The following EDA variants were observed in gnomAD, a reference collection of about 807,000 sequenced individuals.
EDA encodes the protein ectodysplasin A.
A neutral mutation model predicts 23.6 loss-of-function variants in EDA; 2 were observed. That is an observed-to-expected ratio of 0.08 (90% CI 0.03 to 0.27). The LOEUF is 0.27. Ranked by LOEUF, EDA falls within the 10% of genes least tolerant of loss-of-function variation. The probability of loss-of-function intolerance (pLI) is 1.00; values close to 1 mark genes in which losing one functional copy is unlikely to be tolerated. For missense variants in EDA, 229 were observed against 324.2 expected, an observed-to-expected ratio of 0.71 and a Z score of 2.26; for synonymous variants, 131 against 132.0, an observed-to-expected ratio of 0.99 and a Z score of 0.05.
At chrX:69,784,376 T>A (rs1352122108) in intron 1 of EDA, among the ~76,000 whole-genome samples, 2 of 100,544 alleles carry the variant, frequency 2.0e-5, no homozygotes, top group South Asian at 4.9e-4. Flanking sequence ...CATGCCTATG[T>A]CCTGAATGGT....
At chrX:69,886,008 C>G (rs2017824197) in intron 1 of EDA, among the ~76,000 whole-genome samples, 1 of 112,066 alleles carries the variant, frequency 8.9e-6, no homozygotes, top group Admixed American at 9.4e-5. Flanking sequence ...GGGAGACACA[C>G]TTAGGTCCCT....
chrX:69,816,190 A>G (rs1443344460), intron 1 of EDA, among the ~76,000 whole-genome samples: 1 of 111,691 alleles, frequency 9.0e-6, no homozygotes, highest in Non-Finnish European at 1.9e-5. Context: ...ACCTCATTCA[A>G]AGGTCAGCAA....
At chrX:69,765,653 G>T (rs958303796) in intron 1 of EDA, among the ~76,000 whole-genome samples, 2 of 111,544 alleles carry the variant, frequency 1.8e-5, no homozygotes, top group African/African-American at 3.3e-5. Context: ...TCAAAAAATA[G>T]TACAGAGAAG....
At chrX:69,969,040 C>T (rs972034768) in intron 2 of EDA, among the ~76,000 whole-genome samples, 2 of 112,056 alleles carry the variant, frequency 1.8e-5, no homozygotes, top group African/African-American at 6.5e-5. Context: ...GGTCTAGTCA[C>T]GCTGAATTCT....
intron 1 of EDA, among the ~76,000 whole-genome samples, chrX:69,881,476 G>T (rs1291087135): frequency 9.0e-6 from 1 of 110,925 alleles, no homozygotes; most frequent in African/African-American, 3.3e-5. Flanking sequence ...GAAGTGATTT[G>T]GTCACCAGTT....
chrX:69,746,399 C>T (rs1033976032), intron 1 of EDA, among the ~76,000 whole-genome samples: 4 of 111,759 alleles, frequency 3.6e-5, no homozygotes, highest in African/African-American at 1.3e-4. Flanking sequence ...AGGCACACCT[C>T]CCAACCCCAA....
At chrX:69,854,745 G>A (rs2017208768) in intron 1 of EDA, among the ~76,000 whole-genome samples, 1 of 111,927 alleles carries the variant, frequency 8.9e-6, no homozygotes, top group African/African-American at 3.3e-5. Context: ...CTTTGCTGTT[G>A]TGAATAGTGC....
chrX:69,922,869 G>T (rs763856129), intron 1 of EDA, among the ~76,000 whole-genome samples: 1 of 111,270 alleles, frequency 9.0e-6, no homozygotes, highest in South Asian at 3.8e-4. Flanking sequence ...TTGTTGGTAA[G>T]CAAGATGCCT....
intron 1 of EDA, among the ~76,000 whole-genome samples, chrX:69,650,008 A>T (rs186392575): frequency 1.1e-4 from 12 of 112,235 alleles, no homozygotes; most frequent in African/African-American, 3.9e-4. Context: ...ATGATTTATT[A>T]TACTATTTGT....
At chrX:70,026,525 T>C (rs2020108480) in intron 3 of EDA, among the ~76,000 whole-genome samples, 1 of 111,324 alleles carries the variant, frequency 9.0e-6, no homozygotes, top group African/African-American at 3.3e-5. Context: ...GAAATAGGGG[T>C]TGGTGGGTAA....
At chrX:69,671,333 G>T (rs1026520154) in intron 1 of EDA, among the ~76,000 whole-genome samples, 11 of 111,318 alleles carry the variant, frequency 9.9e-5, no homozygotes, top group Non-Finnish European at 1.9e-4. Context: ...TGAGCTGTGG[G>T]TATCTGTGTT....
intron 3 of EDA, among the ~76,000 whole-genome samples, chrX:70,025,216 G>T (rs1228031188): frequency 1.8e-5 from 2 of 111,331 alleles, no homozygotes; most frequent in Non-Finnish European, 3.8e-5. Context: ...TTGGACTGGA[G>T]GAGTTTCTGG....
chrX:70,035,345 G>C lies in EDA; in HGVS notation c.925-13G>C. Reference sequence around the variant, plus strand: ...CTCTCTTCCCCAATCCCTTCTTGTTGCCTCTCACTCAGGTATACTACATCA... The same window carrying C: ...CTCTCTTCCCCAATCCCTTCTTGTTCCCTCTCACTCAGGTATACTACATCA... On this transcript the variant is annotated splice_polypyrimidine_tract_variant and intron_variant, in intron 7 of 7. Coordinates refer to ENST00000374552, the MANE Select transcript of EDA (RefSeq NM_001399.5). 1 of 1,206,900 alleles carries C rather than the reference G, an allele frequency of 8.3e-7. No homozygotes were observed. Among genetic ancestry groups the C allele is most frequent in the Non-Finnish European group, 1.1e-6 (1 of 893,425 alleles).
At chrX:69,935,209 G>A (rs1403743419) in intron 1 of EDA, among the ~76,000 whole-genome samples, 1 of 112,160 alleles carries the variant, frequency 8.9e-6, no homozygotes, top group African/African-American at 3.2e-5. Context: ...TACTTAGGTT[G>A]CTTCCAAATC....
chrX:69,721,480 C>T (rs2012577533), intron 1 of EDA, among the ~76,000 whole-genome samples: 1 of 111,553 alleles, frequency 9.0e-6, no homozygotes, highest in Non-Finnish European at 1.9e-5. Flanking sequence ...GCCTTGTCAG[C>T]CTCAGTATGT....
chrX:69,865,351 C>T (rs1014994302), intron 1 of EDA, among the ~76,000 whole-genome samples: 1 of 109,903 alleles, frequency 9.1e-6, no homozygotes, highest in African/African-American at 3.3e-5. Flanking sequence ...TCACAAGGTC[C>T]CACAATAGGT....
intron 1 of EDA, among the ~76,000 whole-genome samples, chrX:69,751,364 A>G (rs1395129742): frequency 5.4e-5 from 6 of 111,822 alleles, no homozygotes; most frequent in African/African-American, 1.6e-4. Flanking sequence ...TGAGGGCTCT[A>G]TTCTGTTCCA....
intron 1 of EDA, among the ~76,000 whole-genome samples, chrX:69,697,450 G>A (rs1267466394): frequency 1.8e-5 from 2 of 111,493 alleles, no homozygotes; most frequent in African/African-American, 6.5e-5. Flanking sequence ...ATAGAAAAAG[G>A]GAAAAGCGAT....
chrX:69,645,592 ATGTG>A lies in EDA; in HGVS notation c.396+28896_396+28899del, dbSNP rs1201821188. Among the ~76,000 whole-genome samples, 13 of 47,755 alleles carry A rather than the reference ATGTG, an allele frequency of 2.7e-4. 2 individuals carry two copies. The highest frequency in any genetic ancestry group is 9.2e-4 in the African/African-American group (7 of 7,583). 41.5% of individuals were successfully genotyped at this position (47,755 alleles called of 115,157 possible). A position where few individuals can be genotyped will look rare whatever the true frequency, so the allele number is the denominator to read the frequency against. ...TTAGTTCTCTAGTTCTTTTATATATATGTGTGTGTGTATATATATATATGTGTGT... is the reference window on the plus strand; with the variant it reads ...TTAGTTCTCTAGTTCTTTTATATATATGTGTGTATATATATATATGTGTGT... On this transcript the variant is annotated intron_variant, in intron 1 of 7. Coordinates refer to ENST00000374552, the MANE Select transcript of EDA (RefSeq NM_001399.5).
Sources: gnomAD v4.1 joint callset for allele counts (sites outside exome capture counted in the v4.1 genomes callset) on GRCh38, gnomAD v4.1.1 for gene constraint, MANE v1.5 for transcripts, NCBI Gene and HGNC (gene_info 2026-07-23, HGNC 2026-07-21) for gene names.